NRXN3: variants seen among roughly 807,000 people sequenced by gnomAD.
The protein encoded by NRXN3 is neurexin 3.
In NRXN3, 32 loss-of-function variants were observed where a neutral mutation model predicts 137.6. That is an observed-to-expected ratio of 0.23 (90% CI 0.18 to 0.31). The LOEUF is 0.31. Among genes scored for constraint, NRXN3 ranks in the 10% least tolerant of loss-of-function variants. The pLI, the probability that NRXN3 is intolerant of heterozygous loss-of-function variation, is 1.00. For missense variants in NRXN3, 1,574 were observed against 2,062.5 expected, an observed-to-expected ratio of 0.76 and a Z score of 4.59; for synonymous variants, 798 against 784.5, an observed-to-expected ratio of 1.02 and a Z score of -0.29.
At chr14:79,296,406 AT>A (rs1463340235) in intron 15 of NRXN3, among the ~76,000 whole-genome samples, 1 of 151,702 alleles carries the variant, frequency 6.6e-6, no homozygotes, top group Non-Finnish European at 1.5e-5. Context: ...TTGAAGAATT[AT>A]TTCCACAGGC....
intron 4 of NRXN3, among the ~76,000 whole-genome samples, chr14:78,378,125 C>T (rs1432653379): frequency 1.3e-5 from 2 of 152,172 alleles, no homozygotes; most frequent in Non-Finnish European, 2.9e-5. Context: ...TAGCAGGAAA[C>T]TCTAAATACT....
chr14:79,186,615 G>A (rs1012635432), intron 15 of NRXN3, among the ~76,000 whole-genome samples: 36 of 152,088 alleles, frequency 2.4e-4, no homozygotes, highest in African/African-American at 8.7e-4. Flanking sequence ...TTAATTTTTG[G>A]TGAGGAGTAA....
At chr14:79,387,994 G>A (rs1335883377) in intron 15 of NRXN3, among the ~76,000 whole-genome samples, 1 of 150,604 alleles carries the variant, frequency 6.6e-6, no homozygotes, top group African/African-American at 2.4e-5. Flanking sequence ...AGGAGATATA[G>A]CTAATGTAAA....
intron 16 of NRXN3, among the ~76,000 whole-genome samples, chr14:79,533,024 G>A (rs939345235): frequency 6.6e-6 from 1 of 152,050 alleles, no homozygotes; most frequent in Admixed American, 6.6e-5. Flanking sequence ...TTGAAGTATG[G>A]GGTATTTCAA....
At chr14:79,390,043 A>T (rs4903851) in intron 15 of NRXN3, among the ~76,000 whole-genome samples, 3,534 of 152,152 alleles carry the variant, frequency 0.023, 140 homozygotes, top group African/African-American at 0.081. Flanking sequence ...TAGGTCCAGG[A>T]GCGGTGGCTC....
At chr14:78,366,165 G>C (rs1265288772) in intron 4 of NRXN3, among the ~76,000 whole-genome samples, 1 of 152,186 alleles carries the variant, frequency 6.6e-6, no homozygotes, top group Non-Finnish European at 1.5e-5. Context: ...ACTTAGTACA[G>C]TACCCTAACA....
At chr14:79,821,791 T>C (rs1334301813) in intron 20 of NRXN3, among the ~76,000 whole-genome samples, 2 of 151,954 alleles carry the variant, frequency 1.3e-5, no homozygotes, top group Admixed American at 1.3e-4. Flanking sequence ...GTGACAAAAC[T>C]GATGCCTACA....
intron 3 of NRXN3, among the ~76,000 whole-genome samples, chr14:78,278,886 C>T (rs1318090409): frequency 6.6e-6 from 1 of 152,180 alleles, no homozygotes; most frequent in Non-Finnish European, 1.5e-5. Flanking sequence ...AATATAATCA[C>T]TTCCTTCTCA....
chr14:79,566,802 C>T (rs1006939625), intron 16 of NRXN3, among the ~76,000 whole-genome samples: 1 of 152,060 alleles, frequency 6.6e-6, no homozygotes, highest in Non-Finnish European at 1.5e-5. Flanking sequence ...AGTTGGAACA[C>T]TTTGTTCATC....
intron 4 of NRXN3, among the ~76,000 whole-genome samples, chr14:78,429,883 G>A (rs2093809047): frequency 6.6e-6 from 1 of 152,190 alleles, no homozygotes; most frequent in Non-Finnish European, 1.5e-5. Context: ...CCCCTATGAT[G>A]AAAAGGAAAC....
intron 15 of NRXN3, among the ~76,000 whole-genome samples, chr14:79,175,704 G>C (rs1193442419): frequency 6.6e-6 from 1 of 152,186 alleles, no homozygotes; most frequent in Non-Finnish European, 1.5e-5. Flanking sequence ...TTCAGAGTGG[G>C]AAACAGTCTT....
At chr14:78,506,722 T>C (rs903629738) in intron 4 of NRXN3, among the ~76,000 whole-genome samples, 1 of 146,998 alleles carries the variant, frequency 6.8e-6, no homozygotes, top group African/African-American at 2.5e-5. Context: ...GCAATGGCTA[T>C]TCACAGGCAC....
chr14:79,824,358 T>A (rs967624754), intron 20 of NRXN3, among the ~76,000 whole-genome samples: 6 of 151,828 alleles, frequency 4.0e-5, no homozygotes, highest in African/African-American at 1.2e-4. Flanking sequence ...TCCAAGAGAA[T>A]GCAGCAGTCT....
chr14:79,706,688 C>T (rs573618646), intron 19 of NRXN3, among the ~76,000 whole-genome samples: 1 of 152,152 alleles, frequency 6.6e-6, no homozygotes. Flanking sequence ...CCACTCCCCC[C>T]AGCTGCTCTC....
intron 15 of NRXN3, among the ~76,000 whole-genome samples, chr14:79,024,168 C>CT (rs1393795856): frequency 4.6e-5 from 7 of 152,192 alleles, no homozygotes; most frequent in Non-Finnish European, 8.8e-5. Flanking sequence ...AAGAAAATGA[C>CT]TTGCCATCCA....
chr14:79,855,719 T>C (rs2099401204), intron 20 of NRXN3, among the ~76,000 whole-genome samples: 1 of 152,162 alleles, frequency 6.6e-6, no homozygotes, highest in African/African-American at 2.4e-5. Context: ...TGTTTATAGC[T>C]CAGATACATT....
chr14:79,530,742 G>T (rs12885724), intron 16 of NRXN3, among the ~76,000 whole-genome samples: 80,928 of 151,896 alleles, frequency 0.53, 26,080 homozygotes, highest in Non-Finnish European at 0.7. Context: ...ACTTCCTCTT[G>T]TACAGAGTCA....
At chr14:78,599,881 A>G (rs950108913) in intron 4 of NRXN3, among the ~76,000 whole-genome samples, 2 of 152,224 alleles carry the variant, frequency 1.3e-5, no homozygotes, top group African/African-American at 4.8e-5. Flanking sequence ...GGTGGGGAAG[A>G]TGGAGTACCA....
chr14:78,444,879 A>C (rs73316421), intron 4 of NRXN3, among the ~76,000 whole-genome samples: 4,205 of 135,264 alleles, frequency 0.031, 154 homozygotes, highest in East Asian at 0.088. Flanking sequence ...AGATCGCACC[A>C]CTGCACTCCA....
Sources: gnomAD v4.1 joint callset for allele counts (sites outside exome capture counted in the v4.1 genomes callset) on GRCh38, gnomAD v4.1.1 for gene constraint, MANE v1.5 for transcripts, NCBI Gene and HGNC (gene_info 2026-07-23, HGNC 2026-07-21) for gene names.